The following NCOR2 variants were observed in gnomAD, a reference collection of about 807,000 sequenced individuals.
NCOR2 encodes the protein nuclear receptor corepressor 2, also known as CTG repeat protein 26.
Under a neutral mutation model 262.9 loss-of-function variants are expected in NCOR2, and 81 were observed. The ratio of observed to expected loss-of-function variants is 0.31; its 90% CI spans 0.26 to 0.37. NCOR2 has a LOEUF of 0.37. NCOR2 is among the 10% of genes least tolerant of loss of function. NCOR2 has a pLI of 1.00. For synonymous variants in NCOR2, 1,659 were observed against 1,559.3 expected, an observed-to-expected ratio of 1.06 and a Z score of -1.51; for missense variants, 3,385 against 3,621.4, an observed-to-expected ratio of 0.93 and a Z score of 1.68.
exon 23 of NCOR2, chr12:124,356,686 G>A: frequency 2.0e-6 from 3 of 1,474,670 alleles, no homozygotes; most frequent in Non-Finnish European, 2.7e-6. Flanking sequence ...GGCATGCGGG[G>A]AGGCCTTGAT....
intron 42 of NCOR2, 117 bp downstream of exon 44, chr12:124,333,013 C>A (rs2135752819): frequency 7.2e-7 from 1 of 1,382,844 alleles, no homozygotes. Flanking sequence ...CTTGAGGTCA[C>A]CCAGCTGAGC....
At chr12:124,382,407 C>T (rs552268089) in intron 17 of NCOR2, among the ~76,000 whole-genome samples, 64 of 152,328 alleles carry the variant, frequency 4.2e-4, no homozygotes, top group Non-Finnish European at 7.5e-4. Context: ...CAACCCCACA[C>T]TCCCAAATCA....
At chr12:124,352,510 C>A (rs2037576566) in intron 27 of NCOR2, among the ~76,000 whole-genome samples, 2 of 152,062 alleles carry the variant, frequency 1.3e-5, no homozygotes, top group African/African-American at 4.8e-5. Flanking sequence ...GTAGCTGAGA[C>A]TACAGGTATG....
intron 16 of NCOR2, among the ~76,000 whole-genome samples, chr12:124,396,961 G>C (rs1288865619): frequency 6.6e-6 from 1 of 152,208 alleles, no homozygotes; most frequent in Non-Finnish European, 1.5e-5. Flanking sequence ...AGACAGCCTC[G>C]ACTCCAGCAG....
At chr12:124,398,010 C>T (rs2041786854) in intron 16 of NCOR2, 109 bp downstream of exon 18, 3 of 1,310,076 alleles carry the variant, frequency 2.3e-6, no homozygotes, top group Admixed American at 3.4e-5. Flanking sequence ...AGAGGCCTCA[C>T]CACAGCCCCT....
At chr12:124,537,968 A>G (rs1303192224), upstream of NCOR2, 2 of 152,250 alleles carry the variant, frequency 1.3e-5, no homozygotes, top group African/African-American at 4.8e-5. Context: ...GCCCGGGCAC[A>G]TCTTCACAGC....
Position 124,373,767 on chromosome 12 carries a change from CGT to C in NCOR2, c.2218+644_2218+645del, listed in dbSNP as rs1360090588. 8.8e-4 allele frequency among the ~76,000 whole-genome samples: 16 copies of C among 18,238 alleles called. 1 individual carries two copies. Among genetic ancestry groups the C allele is most frequent in the Non-Finnish European group, 1.1e-3 (6 of 5,628 alleles). The allele number at this position is 18,238 out of a possible 152,430, so 12.0% of individuals were successfully genotyped here. A position where few individuals can be genotyped will look rare whatever the true frequency, so the allele number is the denominator to read the frequency against. On this transcript the variant is annotated intron_variant, in intron 19 of 46. Coordinates refer to ENST00000405201, the Ensembl canonical transcript of NCOR2. ...ACAGTGGACAATCATGAGGCCAGTG[CGT>C]GTGCAGGGGCCCTGGGCACGGTGGA... is the stretch of plus-strand genomic sequence containing the variant.
At chr12:124,329,887 C>T (rs2035031346) in intron 44 of NCOR2, among the ~76,000 whole-genome samples, 1 of 152,194 alleles carries the variant, frequency 6.6e-6, no homozygotes, top group Admixed American at 6.5e-5. Flanking sequence ...ATTTCTAACC[C>T]TCTTGTTGTT....
At chr12:124,430,893 C>T (rs375675470) in intron 8 of NCOR2, 106 bp from the exon 11 acceptor site, 3 of 1,289,618 alleles carry the variant, frequency 2.3e-6, no homozygotes, top group Non-Finnish European at 2.1e-6. Context: ...CGTGCGCACA[C>T]ACACAAAGTC....
At chr12:124,526,314 C>A (rs2050465315) in intron 1 of NCOR2, among the ~76,000 whole-genome samples, 1 of 152,184 alleles carries the variant, frequency 6.6e-6, no homozygotes, top group Non-Finnish European at 1.5e-5. Flanking sequence ...AATGTGTGAA[C>A]CCCCACTCCC....
In NCOR2 at chr12:124,457,290, G is replaced by A. The variant is rs564273337; in HGVS notation, c.706-128C>T. The A allele has an allele frequency of 4.9e-5, 52 of 1,071,850 alleles. No individual in the cohort carries two copies. In the African/African-American group the frequency reaches 8.7e-4, roughly 18 times the overall value. 66.4% of individuals were successfully genotyped at this position (1,071,850 alleles called of 1,614,324 possible). A position where few individuals can be genotyped will look rare whatever the true frequency, so the allele number is the denominator to read the frequency against. On this transcript the variant is annotated intron_variant, in intron 5 of 46. Transcript: ENST00000405201. This position sits in a 1 kb window ranked among gnomAD's most constrained non-coding sequence, Gnocchi z 4.0. ...CAGCATGCTGATCCTCAGCACGGGG[G>A]AGGGAGGCCCGGGGCCCCCTGCAGG...
intron 16 of NCOR2, among the ~76,000 whole-genome samples, chr12:124,386,457 TA>T (rs545136537): frequency 1.2e-4 from 19 of 152,066 alleles, no homozygotes; most frequent in Non-Finnish European, 1.5e-4. Flanking sequence ...AGGCCCAGGT[TA>T]ACTGGGGCAC....
At chr12:124,342,614 T>C (rs1367687380) in intron 33 of NCOR2, among the ~76,000 whole-genome samples, 5 of 152,182 alleles carry the variant, frequency 3.3e-5, no homozygotes. Context: ...GTGATCCGCC[T>C]GCCTCGGCCT....
chr12:124,439,029 A>C (rs2044612782), intron 7 of NCOR2, among the ~76,000 whole-genome samples: 1 of 145,638 alleles, frequency 6.9e-6, no homozygotes, highest in Admixed American at 6.7e-5. Flanking sequence ...AGAGACCCAG[A>C]GAGAGAGAGA....
At chr12:124,364,549 C>T (rs1232247377) in intron 20 of NCOR2, among the ~76,000 whole-genome samples, 3 of 152,224 alleles carry the variant, frequency 2.0e-5, no homozygotes, top group African/African-American at 7.2e-5. Flanking sequence ...TACTGAGATG[C>T]GCGACCAGAG....
chr12:124,388,409 G>A (rs2040977732), intron 16 of NCOR2, among the ~76,000 whole-genome samples: 2 of 152,154 alleles, frequency 1.3e-5, no homozygotes, highest in South Asian at 4.1e-4. Context: ...CCAGCTTGAA[G>A]CCCCCGTCCA....
At chr12:124,430,970 A>G (rs1449528056) in intron 8 of NCOR2, among the ~76,000 whole-genome samples, 183 bp from the exon 11 acceptor site, 1 of 152,038 alleles carries the variant, frequency 6.6e-6, no homozygotes, top group African/African-American at 2.4e-5. Flanking sequence ...ACACACATAC[A>G]GTCAGATACA....
At chr12:124,396,807 C>G (rs1038133201) in intron 16 of NCOR2, among the ~76,000 whole-genome samples, 1 of 152,130 alleles carries the variant, frequency 6.6e-6, no homozygotes, top group Non-Finnish European at 1.5e-5. Context: ...CAGTGGAGGA[C>G]GGGGCCGGGC....
At chr12:124,519,958 C>T (rs981386892) in intron 1 of NCOR2, among the ~76,000 whole-genome samples, 3 of 152,238 alleles carry the variant, frequency 2.0e-5, no homozygotes, top group African/African-American at 7.2e-5. Flanking sequence ...TCTCCGCTAT[C>T]CACGTGGTAA....
Sources: gnomAD v4.1 joint callset for allele counts (sites outside exome capture counted in the v4.1 genomes callset) on GRCh38, gnomAD v4.1.1 for gene constraint, Gnocchi (gnomAD v3.1) non-coding constraint, MANE v1.5 for transcripts, NCBI Gene and HGNC (gene_info 2026-07-23, HGNC 2026-07-21) for gene names.